TRPC4AP: variants seen among roughly 807,000 people sequenced by gnomAD.
The protein encoded by TRPC4AP is short transient receptor potential channel 4-associated protein.
In TRPC4AP, 45 loss-of-function variants were observed where a neutral mutation model predicts 99.0. The observed-to-expected ratio is 0.45, with a 90% CI of 0.36 to 0.58. TRPC4AP has a LOEUF of 0.58. Ranked by LOEUF, TRPC4AP falls within the 20% of genes least tolerant of loss-of-function variation. TRPC4AP has a pLI of 0.00. For synonymous variants in TRPC4AP, 408 were observed against 385.8 expected (o/e 1.06, Z -0.67); for missense variants, 879 against 985.3 (o/e 0.89, Z 1.44).
chr20:35,004,644 C>A, intron 16 of TRPC4AP, 74 bp from the exon 17 acceptor site: 1 of 1,293,736 alleles, frequency 7.7e-7, no homozygotes, highest in South Asian at 1.3e-5. Context: ...TTTCGTGGAG[C>A]CCCGCTTGGG....
intron 1 of TRPC4AP, among the ~76,000 whole-genome samples, chr20:35,078,795 G>C (rs2084550886): frequency 6.6e-6 from 1 of 152,214 alleles, no homozygotes; most frequent in Non-Finnish European, 1.5e-5. Context: ...GCCAGGCACG[G>C]TGGCTCACAC....
intron 6 of TRPC4AP, among the ~76,000 whole-genome samples, chr20:35,049,167 G>GT (rs2083634302): frequency 6.6e-6 from 1 of 152,088 alleles, no homozygotes; most frequent in Admixed American, 6.6e-5. Context: ...ATGTAACACA[G>GT]TAAGTCTCTA....
At chr20:35,053,706 G>T (rs1380183649) in intron 5 of TRPC4AP, among the ~76,000 whole-genome samples, 5 of 152,060 alleles carry the variant, frequency 3.3e-5, no homozygotes, top group Non-Finnish European at 7.4e-5. Flanking sequence ...AGCTCAATAC[G>T]AAAAACAAGT....
At chr20:35,040,744 C>G (rs1347672497) in intron 7 of TRPC4AP, among the ~76,000 whole-genome samples, 1 of 152,172 alleles carries the variant, frequency 6.6e-6, no homozygotes, top group Non-Finnish European at 1.5e-5. Context: ...GTTGGGATTA[C>G]AGGCGTGTCA....
At chr20:35,058,715 A>G (rs1280880825) in intron 3 of TRPC4AP, among the ~76,000 whole-genome samples, 1 of 128,246 alleles carries the variant, frequency 7.8e-6, no homozygotes, top group African/African-American at 2.9e-5. Context: ...TTTGAGACAG[A>G]GTCTTGCTTT....
intron 7 of TRPC4AP, among the ~76,000 whole-genome samples, chr20:35,035,563 ATG>A (rs1485178808): frequency 1.3e-5 from 2 of 152,226 alleles, no homozygotes; most frequent in Non-Finnish European, 2.9e-5. Flanking sequence ...TATGCCTTAA[ATG>A]TGTGTGTCTT....
chr20:35,004,220 A>T (rs2082465310), intron 17 of TRPC4AP, among the ~76,000 whole-genome samples: 1 of 152,090 alleles, frequency 6.6e-6, no homozygotes, highest in South Asian at 2.1e-4. Flanking sequence ...GACATGGGGG[A>T]GGCGGGGAGA....
intron 9 of TRPC4AP, among the ~76,000 whole-genome samples, chr20:35,018,368 G>A (rs2082801457): frequency 6.6e-6 from 1 of 152,122 alleles, no homozygotes; most frequent in African/African-American, 2.4e-5. Flanking sequence ...GGCCAAGGCG[G>A]GCGGATCACT....
chr20:35,035,399 A>G lies in TRPC4AP; in HGVS notation c.866-91T>C, dbSNP rs562658981. 4.6e-4 allele frequency: 603 copies of G among 1,310,770 alleles called. 9 individuals are homozygous for G. In the Admixed American group the frequency reaches 0.014, roughly 30 times the overall value. The allele number at this position is 1,310,770 out of a possible 1,614,324, so 81.2% of individuals were successfully genotyped here. A position where few individuals can be genotyped will look rare whatever the true frequency, so the allele number is the denominator to read the frequency against. ...CTAACAAACAATCTGCATGATAGGA[A>G]TAATTCTTACTCTGATAGTAGCTAA... On this transcript the variant is annotated intron_variant, in intron 7 of 18. Transcript: ENST00000252015.
At chr20:35,011,920 CCACTT>C (rs1036589729) in intron 11 of TRPC4AP, among the ~76,000 whole-genome samples, 1 of 152,224 alleles carries the variant, frequency 6.6e-6, no homozygotes, top group Non-Finnish European at 1.5e-5. Flanking sequence ...AATACCATCT[CCACTT>C]ATCACTAATG....
At chr20:35,057,906 A>G (rs9941751) in intron 3 of TRPC4AP, among the ~76,000 whole-genome samples, 21,171 of 152,202 alleles carry the variant, frequency 0.14, 1,847 homozygotes, top group African/African-American at 0.25. Context: ...TGTTTAAAGA[A>G]CATTTGTAAG....
At position 35,057,571 on chromosome 20, in the gene TRPC4AP, G is replaced by A. The variant is rs2083868824; in HGVS notation, c.415C>T (p.Leu139Phe). Reference protein sequence around the residue: ...YIFDLFGGVDLLVEILMRPTI... With the variant: ...YIFDLFGGVDFLVEILMRPTI... ...GGCCTCATAAGAATTTCTACAAGAAGCTATAAAAAAAATTAGATAAAATCT... is the reference window on the plus strand; with the variant it reads ...GGCCTCATAAGAATTTCTACAAGAAACTATAAAAAAAATTAGATAAAATCT... The change falls in exon 4 of 19, where the codon CTT becomes TTT. Residue 139 changes from leucine (L) to phenylalanine (F), a missense_variant and splice_region_variant. Around this residue, in one of 3 missense-constraint regions of TRPC4AP, gnomAD observed 603 missense variants for 631.8 expected, o/e 0.95. Transcript: ENST00000252015. 6.2e-7 allele frequency: 1 copy of A among 1,605,846 alleles called. No individual in the cohort carries two copies.
chr20:35,070,415 CT>C (rs942406993), intron 2 of TRPC4AP, among the ~76,000 whole-genome samples: 222 of 144,920 alleles, frequency 1.5e-3, no homozygotes, highest in Non-Finnish European at 1.4e-3. Context: ...CAAACCATTT[CT>C]TTTTTTTTTT....
At chr20:35,086,146 T>C (rs976358810) in intron 1 of TRPC4AP, among the ~76,000 whole-genome samples, 19 of 151,036 alleles carry the variant, frequency 1.3e-4, no homozygotes, top group Non-Finnish European at 2.2e-4. Flanking sequence ...TTAGTAAAGA[T>C]GGAGTTTCAC....
At position 35,024,825 on chromosome 20, in the gene TRPC4AP, C is replaced by CCAA. The variant is rs1555904985; in HGVS notation, c.1052-3470_1052-3469insTTG. 2.7e-3 allele frequency among the ~76,000 whole-genome samples: 95 copies of CCAA among 35,842 alleles called. 12 individuals carry two copies. The highest frequency in any genetic ancestry group is 0.016 in the Middle Eastern group (1 of 62). The allele number at this position is 35,842 out of a possible 152,430, so 23.5% of individuals were successfully genotyped here. The stretch of plus-strand genomic sequence containing the variant: ...CCTAGGTGACAGAGAGAGACCGTCT[C>CCAA]AAAAAAAAAAAAAAAAAAAAAAAAA... On this transcript the variant is annotated intron_variant, in intron 8 of 18. Transcript: ENST00000252015.
At chr20:35,050,716 AAAAAAAACAAAAC>A (rs1341313022) in intron 5 of TRPC4AP, among the ~76,000 whole-genome samples, 2 of 151,786 alleles carry the variant, frequency 1.3e-5, no homozygotes, top group Admixed American at 6.6e-5. Context: ...CTAACTCAAA[AAAAAAAACAAAAC>A]AAAAAAACCA....
intron 3 of TRPC4AP, among the ~76,000 whole-genome samples, chr20:35,058,658 G>T (rs1411638757): frequency 6.7e-6 from 1 of 149,638 alleles, no homozygotes; most frequent in African/African-American, 2.5e-5. Context: ...GAAATTTATA[G>T]CTGTAAATGC....
chr20:35,031,166 T>C (rs986544071), intron 8 of TRPC4AP, among the ~76,000 whole-genome samples: 12 of 152,186 alleles, frequency 7.9e-5, no homozygotes, highest in East Asian at 1.9e-4. Context: ...ACTAATCTTA[T>C]TGGAATATCC....
chr20:35,016,174 A>T (rs373958975), intron 9 of TRPC4AP, 35 bp from the exon 10 acceptor site: 8 of 1,613,106 alleles, frequency 5.0e-6, no homozygotes, highest in Middle Eastern at 1.6e-4. Flanking sequence ...TATTAAGACA[A>T]ATGTGCTTGA....
Sources: gnomAD v4.1 joint callset for allele counts (sites outside exome capture counted in the v4.1 genomes callset) on GRCh38, gnomAD v4.1.1 for gene constraint, gnomAD v4.1.1 regional missense constraint, MANE v1.5 for transcripts, NCBI Gene and HGNC (gene_info 2026-07-23, HGNC 2026-07-21) for gene names.